CHRM5: variants seen among roughly 807,000 people sequenced by gnomAD.
CHRM5 encodes cholinergic receptor muscarinic 5, also known as muscarinic acetylcholine receptor M5.
In CHRM5, 18 loss-of-function variants were observed where a neutral mutation model predicts 39.0. The observed-to-expected ratio is 0.46, with a 90% CI of 0.32 to 0.68. The LOEUF is 0.68. Among genes scored for constraint, CHRM5 ranks in the 30% least tolerant of loss-of-function variants. The pLI, the probability that CHRM5 is intolerant of heterozygous loss-of-function variation, is 0.04. For missense variants in CHRM5, 515 were observed against 651.1 expected (o/e 0.79, Z 2.28); for synonymous variants, 241 against 246.3 (o/e 0.98, Z 0.20).
intron 1 of CHRM5, among the ~76,000 whole-genome samples, chr15:34,018,848 T>C (rs1898074958): frequency 7.3e-6 from 1 of 136,376 alleles, no homozygotes; most frequent in Admixed American, 8.2e-5. Context: ...GGTGCATTTT[T>C]ACAGAGTGCT....
At position 34,063,250 on chromosome 15, in the gene CHRM5, T is replaced by C; in HGVS notation, c.533T>C (p.Val178Ala). ...CWQYLVGKRT[V>A]PLDECQIQFL... is the part of the protein sequence containing the mutation. Reference sequence around the variant, plus strand: ...CAGTACTTGGTTGGGAAGCGGACAGTTCCACTGGATGAGTGCCAGATCCAG... The same window carrying C: ...CAGTACTTGGTTGGGAAGCGGACAGCTCCACTGGATGAGTGCCAGATCCAG... Residue 178 changes from valine (V) to alanine (A), a missense_variant, in exon 3 of 3, where the codon GTT becomes GCT. Physicochemically the swap from Val to Ala is moderately conservative, Grantham distance 64 (BLOSUM62 0). Coordinates refer to ENST00000383263, the MANE Select transcript of CHRM5 (RefSeq NM_012125.4). The surrounding 1 kb of genome is among the most constrained non-coding windows in gnomAD (Gnocchi z 4.1). 2 of 1,614,142 alleles carry C rather than the reference T, an allele frequency of 1.2e-6. No homozygotes were observed. The highest frequency in any genetic ancestry group is 1.7e-6 in the Non-Finnish European group (2 of 1,180,042).
chr15:33,976,715 A>C (rs1895904206), intron 1 of CHRM5, among the ~76,000 whole-genome samples: 1 of 152,198 alleles, frequency 6.6e-6, no homozygotes, highest in South Asian at 2.1e-4. Context: ...ACAAAAAAAA[A>C]ATTTAACATA....
intron 1 of CHRM5, among the ~76,000 whole-genome samples, chr15:34,014,448 A>G (rs1210166074): frequency 6.6e-6 from 1 of 150,746 alleles, no homozygotes; most frequent in Admixed American, 6.6e-5. Context: ...TGGTTTTCCC[A>G]GGTCCCCTGA....
intron 1 of CHRM5, among the ~76,000 whole-genome samples, chr15:34,018,746 G>T (rs902841608): frequency 2.0e-5 from 3 of 152,210 alleles, no homozygotes; most frequent in African/African-American, 7.2e-5. Flanking sequence ...ACGTCCTACT[G>T]ATTGGTCCAT....
chr15:34,007,154 G>T, intron 1 of CHRM5: 2 of 533,800 alleles, frequency 3.7e-6, no homozygotes, highest in Non-Finnish European at 4.8e-6. Context: ...CTATTATCTT[G>T]TCCAATGACA....
rs1567482866 is a variant in CHRM5 at position 34,038,638 on chromosome 15, TCCGCCCGTCCCGCGCAGGCGCCGGCGCCG to T, written c.-407-7892_-407-7864del. The stretch of plus-strand genomic sequence containing the variant: ...CACCAGGCGCGCCCCCGCGCCACCA[TCCGCCCGTCCCGCGCAGGCGCCGGCGCCG>T]CCGCCCGTCTGGCGCGCGCCTGGCA... On this transcript the variant is annotated intron_variant, in intron 1 of 2. Transcript: ENST00000383263. The T allele has an allele frequency of 1.1e-4, 73 of 665,472 alleles. 1 individual carries two copies. In the East Asian group the frequency reaches 2.6e-3, roughly 23 times the overall value. 41.2% of individuals were successfully genotyped at this position (665,472 alleles called of 1,614,324 possible).
In CHRM5 at chr15:34,017,267, ACAAAG is replaced by A. The variant is rs149871298; in HGVS notation, c.-407-29263_-407-29259del. ...GAACTGAGCTCTCATACAAAATGAAACAAAGCAAAGCAAACACCACCACCCCATTT... is the reference window on the plus strand; with the variant it reads ...GAACTGAGCTCTCATACAAAATGAAACAAAGCAAACACCACCACCCCATTT... On this transcript the variant is annotated intron_variant, in intron 1 of 2. Coordinates refer to ENST00000383263, the MANE Select transcript of CHRM5 (RefSeq NM_012125.4). Among the ~76,000 whole-genome samples the A allele has an allele frequency of 6.0e-3, 914 of 152,270 alleles. 19 individuals are homozygous for A. The highest frequency in any genetic ancestry group is 0.044 in the Admixed American group (668 of 15,284).
intron 1 of CHRM5, among the ~76,000 whole-genome samples, chr15:34,022,917 G>A (rs1405321731): frequency 6.6e-6 from 1 of 152,226 alleles, no homozygotes; most frequent in Admixed American, 6.5e-5. Flanking sequence ...GCCGGGCGCG[G>A]TGGCTCACGC....
rs1567495328 is a variant in CHRM5, at chr15:34,064,473, G to A, written c.*157G>A. ...GCTCAAGTTTGGTTGCCAAATGGAA[G>A]GGGCCATAGCTGCAGCAATTGCTGA... On this transcript the variant is annotated 3_prime_UTR_variant, in exon 3 of 3. Transcript: ENST00000383263. 8 of 847,618 alleles carry A rather than the reference G, an allele frequency of 9.4e-6. No homozygotes were observed. The East Asian group carries it at 2.1e-4, about 23-fold the overall frequency. 52.5% of individuals were successfully genotyped at this position (847,618 alleles called of 1,614,324 possible).
At chr15:34,006,829 C>CTTCA (rs1484720557) in intron 1 of CHRM5, among the ~76,000 whole-genome samples, 1 of 152,058 alleles carries the variant, frequency 6.6e-6, no homozygotes, top group Non-Finnish European at 1.5e-5. Context: ...TTTGATGTAA[C>CTTCA]TGAAAGATGT....
intron 2 of CHRM5, among the ~76,000 whole-genome samples, chr15:34,052,521 G>T (rs1899963750): frequency 6.6e-6 from 1 of 152,148 alleles, no homozygotes; most frequent in African/African-American, 2.4e-5. Flanking sequence ...AGAAAGAAAT[G>T]AAGCATATTC....
intron 1 of CHRM5, among the ~76,000 whole-genome samples, chr15:34,021,371 T>C (rs1048133856): frequency 6.6e-6 from 1 of 151,792 alleles, no homozygotes; most frequent in Non-Finnish European, 1.5e-5. Flanking sequence ...CCACAACCTC[T>C]GCCTCCCGGG....
intron 1 of CHRM5, among the ~76,000 whole-genome samples, chr15:33,986,361 G>C (rs567463162): frequency 6.6e-6 from 1 of 151,830 alleles, no homozygotes; most frequent in Non-Finnish European, 1.5e-5. Context: ...CACCCACCTC[G>C]GCCTCCCAAA....
chr15:33,992,690 G>A (rs74007655), intron 1 of CHRM5, among the ~76,000 whole-genome samples: 3,561 of 152,194 alleles, frequency 0.023, 128 homozygotes, highest in African/African-American at 0.08. Flanking sequence ...CTGAATCAAT[G>A]AGGACAAATA....
At chr15:34,046,299 A>G (rs1195082281) in intron 1 of CHRM5, among the ~76,000 whole-genome samples, 1 of 151,062 alleles carries the variant, frequency 6.6e-6, no homozygotes, top group Non-Finnish European at 1.5e-5. Flanking sequence ...TCTGTCCAGC[A>G]GCCTAGGAAT....
chr15:33,994,037 T>G (rs554246964), intron 1 of CHRM5, among the ~76,000 whole-genome samples: 57 of 152,356 alleles, frequency 3.7e-4, no homozygotes, highest in African/African-American at 1.2e-3. Flanking sequence ...GGCACACACG[T>G]GCTGGAGTTT....
chr15:33,972,217 T>C (rs1895668246), intron 1 of CHRM5: 2 of 151,830 alleles, frequency 1.3e-5, no homozygotes, highest in Admixed American at 6.6e-5. Context: ...GTAAGGAAAA[T>C]ACCAGTAAGC....
intron 1 of CHRM5, among the ~76,000 whole-genome samples, chr15:33,970,260 G>A (rs1157632828): frequency 6.6e-6 from 1 of 151,806 alleles, no homozygotes; most frequent in African/African-American, 2.4e-5. Flanking sequence ...AGTTAAGGGA[G>A]TAAATTATAT....
At chr15:33,998,451 T>C (rs745690696) in intron 1 of CHRM5, among the ~76,000 whole-genome samples, 1 of 152,124 alleles carries the variant, frequency 6.6e-6, no homozygotes, top group Non-Finnish European at 1.5e-5. Context: ...AAGAAGACCC[T>C]GTCACTACAA....
Sources: allele counts gnomAD v4.1 joint callset (sites outside exome capture counted in the v4.1 genomes callset), GRCh38; gene constraint gnomAD v4.1.1; non-coding constraint Gnocchi (gnomAD v3.1); transcripts MANE v1.5; gene names NCBI Gene and HGNC (gene_info 2026-07-23, HGNC 2026-07-21).